TMEM132B: variants seen among roughly 807,000 people sequenced by gnomAD.
The protein encoded by TMEM132B is transmembrane protein 132B.
TMEM132B carries 18 observed loss-of-function variants against 90.8 expected under a neutral mutation model. The observed-to-expected ratio is 0.20, with a 90% CI of 0.14 to 0.29. TMEM132B has a LOEUF of 0.29. Ranked by LOEUF, TMEM132B falls within the 10% of genes least tolerant of loss-of-function variation. TMEM132B has a pLI of 1.00. For missense variants in TMEM132B, 1,096 were observed against 1,326.8 expected, an observed-to-expected ratio of 0.83 and a Z score of 2.70; for synonymous variants, 504 against 523.3, an observed-to-expected ratio of 0.96 and a Z score of 0.50.
chr12:125,333,248 C>A (rs549035437), intron 1 of TMEM132B, among the ~76,000 whole-genome samples: 1 of 152,166 alleles, frequency 6.6e-6, no homozygotes, highest in Non-Finnish European at 1.5e-5. Context: ...CTTATAAGGA[C>A]GTCTGTCATT....
intron 5 of TMEM132B, among the ~76,000 whole-genome samples, chr12:125,621,543 C>T (rs1246188476): frequency 6.6e-6 from 1 of 152,072 alleles, no homozygotes; most frequent in Non-Finnish European, 1.5e-5. Context: ...AGATATAAGA[C>T]ATGCATGTGG....
intron 4 of TMEM132B, among the ~76,000 whole-genome samples, chr12:125,520,594 A>T (rs565037826): frequency 2.6e-5 from 4 of 151,962 alleles, no homozygotes; most frequent in Non-Finnish European, 5.9e-5. Context: ...CCCCACCTCA[A>T]CTGTTAGGGA....
intron 3 of TMEM132B, among the ~76,000 whole-genome samples, chr12:125,441,790 C>G (rs1157340747): frequency 6.6e-6 from 1 of 152,216 alleles, no homozygotes; most frequent in Non-Finnish European, 1.5e-5. Context: ...CAAACTCTTT[C>G]TGAATCTCTT....
intron 1 of TMEM132B, among the ~76,000 whole-genome samples, chr12:125,253,732 C>CA: frequency 6.6e-6 from 1 of 152,242 alleles, no homozygotes; most frequent in East Asian, 1.9e-4. Context: ...CGGTGCCTGG[C>CA]CCATCCCTTC....
chr12:125,339,596 CA>C (rs1428735976), intron 1 of TMEM132B, among the ~76,000 whole-genome samples: 2 of 152,196 alleles, frequency 1.3e-5, no homozygotes, highest in Non-Finnish European at 2.9e-5. Context: ...AGTAGCTCTT[CA>C]AAAAGGCAAC....
intron 3 of TMEM132B, among the ~76,000 whole-genome samples, chr12:125,434,474 A>C (rs1365918059): frequency 1.7e-5 from 2 of 120,124 alleles, no homozygotes; most frequent in Non-Finnish European, 3.2e-5. Flanking sequence ...GCTGGCTTCC[A>C]TCTGGGTTTG....
At chr12:125,302,382 G>C (rs1339836310) in intron 1 of TMEM132B, among the ~76,000 whole-genome samples, 1 of 151,698 alleles carries the variant, frequency 6.6e-6, no homozygotes, top group Non-Finnish European at 1.5e-5. Flanking sequence ...AAAAAAGTGA[G>C]CCTGGCTGAG....
chr12:125,430,896 G>GGCCT (rs1880480309), intron 3 of TMEM132B, among the ~76,000 whole-genome samples: 1 of 152,158 alleles, frequency 6.6e-6, no homozygotes, highest in Non-Finnish European at 1.5e-5. Flanking sequence ...GGTCAGGGAG[G>GGCCT]GCCTCTCTGA....
At chr12:125,238,302 G>A (rs1482243433) in intron 1 of TMEM132B, among the ~76,000 whole-genome samples, 7 of 141,402 alleles carry the variant, frequency 5.0e-5, no homozygotes, top group African/African-American at 8.0e-5. Context: ...GCAGTGAGCC[G>A]AGATCGCACC....
chr12:125,445,399 C>T lies in TMEM132B; in HGVS notation c.1106+29722C>T, dbSNP rs1395929920. ...AGTTATAAATGTATTACTCCTCAAT[C>T]TCAAATTCACCCTTCACCACCTGCT... On this transcript the variant is annotated intron_variant, in intron 3 of 8. Coordinates refer to ENST00000682704, the MANE Select transcript of TMEM132B (RefSeq NM_001366854.1). This position sits in a 1 kb window ranked among gnomAD's most constrained non-coding sequence, Gnocchi z 4.3. Among the ~76,000 whole-genome samples, 1 of 152,210 alleles carries T rather than the reference C, an allele frequency of 6.6e-6. No homozygotes were observed. The highest frequency in any genetic ancestry group is 2.4e-5 in the African/African-American group (1 of 41,454).
chr12:125,335,069 A>C (rs1239891365), intron 1 of TMEM132B, among the ~76,000 whole-genome samples: 2 of 152,210 alleles, frequency 1.3e-5, no homozygotes, highest in Non-Finnish European at 2.9e-5. Context: ...GGTTTATTTT[A>C]GGCCCTGGGT....
At chr12:125,297,029 A>G (rs1875688182) in intron 1 of TMEM132B, among the ~76,000 whole-genome samples, 1 of 152,222 alleles carries the variant, frequency 6.6e-6, no homozygotes. Flanking sequence ...AGAGCAGAGC[A>G]GTGGGAAGAA....
chr12:125,348,914 GAGAGTTC>G (rs1476539396), intron 1 of TMEM132B, among the ~76,000 whole-genome samples: 6 of 152,210 alleles, frequency 3.9e-5, no homozygotes, highest in Non-Finnish European at 8.8e-5. Flanking sequence ...TTCGGAAGGA[GAGAGTTC>G]TAGAAGTAGG....
chr12:125,575,935 T>C (rs528072013), intron 4 of TMEM132B, among the ~76,000 whole-genome samples: 1 of 152,106 alleles, frequency 6.6e-6, no homozygotes, highest in Non-Finnish European at 1.5e-5. Flanking sequence ...CCAACTGTTA[T>C]TTATCCAGAT....
At chr12:125,379,742 T>C (rs528489264) in intron 2 of TMEM132B, among the ~76,000 whole-genome samples, 2 of 152,320 alleles carry the variant, frequency 1.3e-5, no homozygotes, top group East Asian at 3.9e-4. Context: ...GGGAGGCAGA[T>C]TGAAAATGCA....
At chr12:125,592,424 G>A (rs1311294403) in intron 5 of TMEM132B, among the ~76,000 whole-genome samples, 1 of 152,110 alleles carries the variant, frequency 6.6e-6, no homozygotes, top group Non-Finnish European at 1.5e-5. Context: ...GAAATAATGA[G>A]ATGTTAAATG....
chr12:125,217,433 C>T (rs762016294), intron 1 of TMEM132B, among the ~76,000 whole-genome samples: 73 of 152,160 alleles, frequency 4.8e-4, no homozygotes, highest in Non-Finnish European at 8.2e-4. Context: ...TGCCTATATA[C>T]TCCTTCGCTT....
chr12:125,291,776 TGTG>T (rs1466305567), intron 1 of TMEM132B, among the ~76,000 whole-genome samples: 3 of 152,150 alleles, frequency 2.0e-5, no homozygotes, highest in Admixed American at 6.6e-5. Flanking sequence ...AAAAAAAAAT[TGTG>T]GTGAAATATC....
At chr12:125,567,745 C>T (rs1459176634) in intron 4 of TMEM132B, among the ~76,000 whole-genome samples, 2 of 152,136 alleles carry the variant, frequency 1.3e-5, no homozygotes, top group Non-Finnish European at 2.9e-5. Context: ...CAGCCAGAAG[C>T]TGTGTGAAAT....
Sources: allele counts gnomAD v4.1 joint callset (sites outside exome capture counted in the v4.1 genomes callset), GRCh38; gene constraint gnomAD v4.1.1; non-coding constraint Gnocchi (gnomAD v3.1); transcripts MANE v1.5; gene names NCBI Gene and HGNC (gene_info 2026-07-23, HGNC 2026-07-21).